The following NR2C2 variants were observed in gnomAD, a reference collection of about 807,000 sequenced individuals.
The protein encoded by NR2C2 is nuclear receptor subfamily 2 group C member 2, also known as Nuclear hormone receptor TR4.
Under a neutral mutation model 62.9 loss-of-function variants are expected in NR2C2, and 6 were observed. The ratio of observed to expected loss-of-function variants is 0.10; its 90% CI spans 0.05 to 0.19. NR2C2 has a LOEUF of 0.19. Among genes scored for constraint, NR2C2 ranks in the 10% least tolerant of loss-of-function variants. The probability of loss-of-function intolerance (pLI) is 1.00; values close to 1 mark genes in which losing one functional copy is unlikely to be tolerated. For missense variants in NR2C2, 479 were observed against 762.7 expected (o/e 0.63, Z 4.38); for synonymous variants, 272 against 273.8 (o/e 0.99, Z 0.07).
At chr3:15,033,299 T>G (rs1468533951) in intron 10 of NR2C2, among the ~76,000 whole-genome samples, 1 of 152,222 alleles carries the variant, frequency 6.6e-6, no homozygotes, top group Non-Finnish European at 1.5e-5. Context: ...TGTGTGGCCT[T>G]GTGCAAGTCA....
At chr3:14,994,699 C>T (rs2040771984) in intron 1 of NR2C2, among the ~76,000 whole-genome samples, 1 of 150,906 alleles carries the variant, frequency 6.6e-6, no homozygotes, top group African/African-American at 2.4e-5. Flanking sequence ...CCTCGGCCTC[C>T]CAAAGTGCTG....
Position 15,023,340 on chromosome 3 carries a change from G to A in NR2C2, c.697G>A (p.Gly233Arg). The A allele has an allele frequency of 6.2e-7, 1 of 1,614,078 alleles. No homozygotes were observed. Among genetic ancestry groups the A allele is most frequent in the Non-Finnish European group, 8.5e-7 (1 of 1,180,016 alleles). Residue 233 changes from glycine (G) to arginine (R), a missense_variant, in exon 6 of 14, where the codon GGA (glycine) becomes AGA (arginine). Transcript: ENST00000425241. Reference sequence around the variant, plus strand: ...TCCCACGTTTGTGGCAGACAAAGATGGAGCAAGGTCAGTCCCTTGTTCTCA... The same window carrying A: ...TCCCACGTTTGTGGCAGACAAAGATAGAGCAAGGTCAGTCCCTTGTTCTCA... The part of the protein sequence containing the change: ...ATPTFVADKD[G>R]ARQTGLLDPG...
intron 1 of NR2C2, among the ~76,000 whole-genome samples, chr3:14,987,037 A>G (rs1056404556): frequency 6.6e-6 from 1 of 152,218 alleles, no homozygotes; most frequent in Non-Finnish European, 1.5e-5. Context: ...TTACCAAGAA[A>G]AAAAGTTTCT....
chr3:15,022,676 C>T (rs943099509), intron 5 of NR2C2, among the ~76,000 whole-genome samples: 3 of 152,062 alleles, frequency 2.0e-5, no homozygotes, highest in Admixed American at 6.6e-5. Flanking sequence ...CCACCACCCC[C>T]GGCCCAAAGA....
rs1401337776 is a variant in NR2C2, at chr3:15,045,165, G to C, written c.*2157G>C. On this transcript the variant is annotated 3_prime_UTR_variant, in exon 14 of 14. Transcript: ENST00000425241. ...GTAGCAGGCATCCTGCAGCTCAGTG[G>C]TGCCTCTAACACAGATTGTTGCCTG... 1 of 152,182 alleles carries C rather than the reference G, an allele frequency of 6.6e-6. No homozygotes were observed. The highest frequency in any genetic ancestry group is 1.5e-5 in the Non-Finnish European group (1 of 68,034). The allele number at this position is 152,182 out of a possible 1,614,324, so 9.4% of individuals were successfully genotyped here. A position where few individuals can be genotyped will look rare whatever the true frequency, so the allele number is the denominator to read the frequency against.
chr3:14,947,612 GGGCGGC>G lies in NR2C2; in HGVS notation c.-321_-316del, dbSNP rs753634277. Reference sequence around the variant, plus strand: ...ATTCGCCCTCCTCCTACCAGCGCGCGGGCGGCGGCGGCGGCGGCACCGGGGTCACGA... The same window carrying G: ...ATTCGCCCTCCTCCTACCAGCGCGCGGGCGGCGGCGGCACCGGGGTCACGA... On this transcript the variant is annotated 5_prime_UTR_variant, in exon 1 of 14. Transcript: ENST00000425241. 5 of 153,072 alleles carry G rather than the reference GGGCGGC, an allele frequency of 3.3e-5. No individual in the cohort carries two copies. Among genetic ancestry groups the G allele is most frequent in the Non-Finnish European group, 5.8e-5 (4 of 69,260 alleles). The allele number at this position is 153,072 out of a possible 1,614,324, so 9.5% of individuals were successfully genotyped here.
chr3:15,000,899 C>T (rs905734127), intron 1 of NR2C2, among the ~76,000 whole-genome samples: 4 of 148,056 alleles, frequency 2.7e-5, no homozygotes, highest in Admixed American at 1.4e-4. Flanking sequence ...ACTGCAAGCT[C>T]TGCCTCCCGG....
chr3:15,001,477 G>A (rs1371444511), intron 1 of NR2C2, among the ~76,000 whole-genome samples: 7 of 151,708 alleles, frequency 4.6e-5, no homozygotes, highest in African/African-American at 7.3e-5. Flanking sequence ...TGGGATTACA[G>A]GCCCCGCCAT....
chr3:14,987,857 A>G (rs2125353266), intron 1 of NR2C2, among the ~76,000 whole-genome samples: 1 of 152,360 alleles, frequency 6.6e-6, no homozygotes, highest in East Asian at 1.9e-4. Flanking sequence ...CAGTGTGCAT[A>G]TAACTTTGTG....
chr3:15,028,902 T>TTA (rs981442688), intron 8 of NR2C2, among the ~76,000 whole-genome samples, 183 bp downstream of exon 8: 44 of 152,288 alleles, frequency 2.9e-4, no homozygotes, highest in African/African-American at 9.9e-4. Flanking sequence ...CCCACCTATG[T>TTA]TATACAGTAT....
chr3:14,949,319 T>C lies in NR2C2; in HGVS notation c.-40+1413T>C, dbSNP rs537302196. Among the ~76,000 whole-genome samples, 6 of 152,328 alleles carry C rather than the reference T, an allele frequency of 3.9e-5. No homozygotes were observed. The South Asian group carries it at 1.0e-3, about 26-fold the overall frequency. ...GTGGCCTCTCTGAGTAAGTGATGTTTGAACAGAGGAACCCAAGGGAGGAAT... is the reference window on the plus strand; with the variant it reads ...GTGGCCTCTCTGAGTAAGTGATGTTCGAACAGAGGAACCCAAGGGAGGAAT... On this transcript the variant is annotated intron_variant, in intron 1 of 13. Coordinates refer to ENST00000425241, the MANE Select transcript of NR2C2 (RefSeq NM_001291694.2).
chr3:14,960,624 G>A (rs1303955666), intron 1 of NR2C2, among the ~76,000 whole-genome samples: 3 of 152,088 alleles, frequency 2.0e-5, no homozygotes, highest in African/African-American at 7.2e-5. Flanking sequence ...CAATATTCCT[G>A]TAATAATTCA....
intron 1 of NR2C2, among the ~76,000 whole-genome samples, chr3:14,979,701 TAAAG>T (rs2040309454): frequency 6.6e-6 from 1 of 151,532 alleles, no homozygotes; most frequent in African/African-American, 2.4e-5. Flanking sequence ...CTTGGTACAA[TAAAG>T]GAATAATGAA....
intron 1 of NR2C2, among the ~76,000 whole-genome samples, chr3:14,994,829 C>T (rs545492408): frequency 1.3e-5 from 2 of 150,014 alleles, no homozygotes; most frequent in South Asian, 2.1e-4. Flanking sequence ...ACAGGAGGAT[C>T]GCTTGAGCCC....
At chr3:15,001,802 A>G (rs1009806477) in intron 1 of NR2C2, among the ~76,000 whole-genome samples, 3 of 151,936 alleles carry the variant, frequency 2.0e-5, no homozygotes, top group Admixed American at 6.6e-5. Flanking sequence ...ATTTTTTTGT[A>G]GAGATGGGTC....
In NR2C2 at chr3:15,042,582, T is replaced by G. The variant is rs1030309542; in HGVS notation, c.1617-252T>G. The stretch of plus-strand genomic sequence containing the variant: ...GAATTTCCAGGTTTTCTCTTGGTGG[T>G]GGGGGTGAGGAGAGTTGGAATAAAC... On this transcript the variant is annotated intron_variant, in intron 13 of 13. Transcript: ENST00000425241. 2.5e-5 allele frequency: 9 copies of G among 355,702 alleles called. No individual in the cohort carries two copies. In the Admixed American group the frequency reaches 4.0e-4, roughly 16 times the overall value. The allele number at this position is 355,702 out of a possible 1,614,324, so 22.0% of individuals were successfully genotyped here.
At position 15,046,396 on chromosome 3, in the gene NR2C2, C is replaced by T. The variant is rs751649271; in HGVS notation, c.*3388C>T. On this transcript the variant is annotated 3_prime_UTR_variant, in exon 14 of 14. Transcript: ENST00000425241. ...CTCAAGGCAATATCCACGCTACACA[C>T]ATACTTATTAGCTGTCTTACTTGTT... The T allele has an allele frequency of 1.3e-5, 2 of 152,248 alleles. No homozygotes were observed. The highest frequency in any genetic ancestry group is 2.4e-5 in the African/African-American group (1 of 41,468). The allele number at this position is 152,248 out of a possible 1,614,324, so 9.4% of individuals were successfully genotyped here.
At position 15,003,877 on chromosome 3, in the gene NR2C2, T is replaced by A. The variant is rs1463299554; in HGVS notation, c.-38T>A. The stretch of plus-strand genomic sequence containing the variant: ...ATCCAGCCCACTTCTCACCCACAGG[T>A]AACACGTACACAGACCTCTCGGCCG... On this transcript the variant is annotated splice_region_variant and 5_prime_UTR_variant, in exon 2 of 14. Coordinates refer to ENST00000425241, the MANE Select transcript of NR2C2 (RefSeq NM_001291694.2). 1 of 1,605,480 alleles carries A rather than the reference T, an allele frequency of 6.2e-7. No individual in the cohort carries two copies.
rs376781783 is a variant in NR2C2, at chr3:14,977,963, AGAAG to A, written c.-39-25912_-39-25909del. Among the ~76,000 whole-genome samples, 32 of 145,496 alleles carry A rather than the reference AGAAG, an allele frequency of 2.2e-4. 1 individual carries two copies. Among genetic ancestry groups the A allele is most frequent in the Non-Finnish European group, 3.8e-4 (25 of 66,104 alleles). On this transcript the variant is annotated intron_variant, in intron 1 of 13. Transcript: ENST00000425241. ...GACTCTGCCTCAAAAAAAAAAAAAAAGAAGAAGAAGAAGAAGAACAGACTTCAGC... is the reference window on the plus strand; with the variant it reads ...GACTCTGCCTCAAAAAAAAAAAAAAAAAGAAGAAGAAGAACAGACTTCAGC...
Sources: allele counts gnomAD v4.1 joint callset (sites outside exome capture counted in the v4.1 genomes callset), GRCh38; gene constraint gnomAD v4.1.1; transcripts MANE v1.5; gene names NCBI Gene and HGNC (gene_info 2026-07-23, HGNC 2026-07-21).